The following SCOC variants were observed in gnomAD, a reference collection of about 807,000 sequenced individuals.
SCOC encodes the protein short coiled-coil protein, also known as short coiled coil protein.
A neutral mutation model predicts 9.9 loss-of-function variants in SCOC; 7 were observed. The observed-to-expected ratio is 0.71, with a 90% CI of 0.40 to 1.33. The LOEUF is 1.33. Among genes scored for constraint, SCOC ranks in the 40% most tolerant of loss-of-function variants. SCOC has a pLI of 0.01. For missense variants in SCOC, 66 were observed against 89.7 expected (o/e 0.74, Z 1.07); for synonymous variants, 19 against 28.2 (o/e 0.67, Z 1.03).
chr4:140,286,785 A>T (rs1438637057), intron 1 of SCOC, among the ~76,000 whole-genome samples: 1 of 152,190 alleles, frequency 6.6e-6, no homozygotes, highest in African/African-American at 2.4e-5. Flanking sequence ...CGACTGTGGG[A>T]GTCACGCAGC....
chr4:140,262,790 G>A (rs1730660484), intron 1 of SCOC, among the ~76,000 whole-genome samples: 1 of 151,788 alleles, frequency 6.6e-6, no homozygotes, highest in South Asian at 2.1e-4. Flanking sequence ...CGAAGGGGAA[G>A]CAAGAACCTC....
intron 1 of SCOC, among the ~76,000 whole-genome samples, chr4:140,318,217 A>G (rs1277738269): frequency 1.4e-5 from 2 of 139,402 alleles, no homozygotes; most frequent in Non-Finnish European, 3.0e-5. Context: ...ACCAAAGCCA[A>G]AATTGACAAA....
intron 2 of SCOC, among the ~76,000 whole-genome samples, chr4:140,351,565 G>A (rs1179788503): frequency 1.3e-5 from 2 of 152,066 alleles, no homozygotes; most frequent in Admixed American, 1.3e-4. Flanking sequence ...TTGTAAGGTT[G>A]TAATATGCTT....
At chr4:140,322,293 T>C (rs543946712) in intron 1 of SCOC, among the ~76,000 whole-genome samples, 3 of 152,276 alleles carry the variant, frequency 2.0e-5, no homozygotes, top group Non-Finnish European at 4.4e-5. Context: ...AAAGCCTATA[T>C]TGCCGTGAGA....
intron 1 of SCOC, among the ~76,000 whole-genome samples, chr4:140,285,726 G>T (rs1386233815): frequency 1.3e-5 from 2 of 152,154 alleles, no homozygotes; most frequent in African/African-American, 4.8e-5. Context: ...AATGAACCAA[G>T]ACATTGCTAA....
upstream of SCOC, chr4:140,373,473 T>C: frequency 6.4e-7 from 1 of 1,550,464 alleles, no homozygotes; most frequent in East Asian, 2.4e-5. Flanking sequence ...CAGTGTCCTT[T>C]TGTTATGGCA....
intron 1 of SCOC, among the ~76,000 whole-genome samples, chr4:140,319,406 C>T (rs1223377726): frequency 2.6e-5 from 4 of 152,042 alleles, no homozygotes; most frequent in African/African-American, 4.8e-5. Flanking sequence ...CCCAGAACTT[C>T]GTGGAGTTAT....
intron 1 of SCOC, chr4:140,291,526 G>A: frequency 2.2e-6 from 1 of 457,280 alleles, no homozygotes; most frequent in African/African-American, 2.0e-5. Flanking sequence ...CAGGTCTCCT[G>A]GGACTGTATT....
At chr4:140,296,839 T>C (rs1365445232) in intron 1 of SCOC, among the ~76,000 whole-genome samples, 2 of 152,184 alleles carry the variant, frequency 1.3e-5, no homozygotes, top group South Asian at 4.1e-4. Flanking sequence ...TTTTCTTCCA[T>C]CTTAACAGTA....
chr4:140,291,252 C>T (rs951355386), intron 1 of SCOC: 9 of 343,978 alleles, frequency 2.6e-5, no homozygotes, highest in Non-Finnish European at 4.1e-5. Flanking sequence ...CAAAAGAAGC[C>T]GGGAGGCCTG....
chr4:140,274,225 A>C (rs1730926079), intron 1 of SCOC, among the ~76,000 whole-genome samples: 1 of 152,264 alleles, frequency 6.6e-6, no homozygotes, highest in Admixed American at 6.5e-5. Context: ...TATATTTTGT[A>C]CAGGTAGAAT....
upstream of SCOC, among the ~76,000 whole-genome samples, chr4:140,370,646 T>C (rs912394025): frequency 6.6e-6 from 1 of 152,208 alleles, no homozygotes; most frequent in African/African-American, 2.4e-5. Flanking sequence ...AGTAATGAAC[T>C]GTTTGAATTC....
intron 1 of SCOC, among the ~76,000 whole-genome samples, chr4:140,320,944 TAA>T (rs1732483067): frequency 6.6e-6 from 1 of 152,098 alleles, no homozygotes; most frequent in Non-Finnish European, 1.5e-5. Flanking sequence ...CGTAAGAATA[TAA>T]GAGGTCGCCC....
rs1416747420 is a variant in SCOC at position 140,366,175 on chromosome 4, CTTTCTTTCTTT to C, written c.71-12942_71-12932del. ...CTTGCAATCTTGGGTGCCTCCTTTTCTTTCTTTCTTTTTTTTTTTTTTTTCCCAAATAGAAC... is the reference window on the plus strand; with the variant it reads ...CTTGCAATCTTGGGTGCCTCCTTTTCTTTTTTTTTTTTTCCCAAATAGAAC... On this transcript the variant is annotated intron_variant, in intron 2 of 4. Transcript: ENST00000338517. 16 of 453,634 alleles carry C rather than the reference CTTTCTTTCTTT, an allele frequency of 3.5e-5. No homozygotes were observed. In the East Asian group the frequency reaches 6.5e-4, roughly 18 times the overall value. The allele number at this position is 453,634 out of a possible 1,614,324, so 28.1% of individuals were successfully genotyped here. A position where few individuals can be genotyped will look rare whatever the true frequency, so the allele number is the denominator to read the frequency against.
chr4:140,356,813 C>T (rs1482758291), intron 2 of SCOC, among the ~76,000 whole-genome samples: 1 of 151,996 alleles, frequency 6.6e-6, no homozygotes, highest in African/African-American at 2.4e-5. Context: ...TATTTTGAGA[C>T]TATATAAATA....
At chr4:140,267,462 A>G (rs1198587187) in intron 1 of SCOC, among the ~76,000 whole-genome samples, 2 of 151,976 alleles carry the variant, frequency 1.3e-5, no homozygotes, top group Admixed American at 1.3e-4. Context: ...TTTTCCTGGG[A>G]TCTGTTTCTT....
chr4:140,263,649 G>A (rs576038334), intron 1 of SCOC, among the ~76,000 whole-genome samples: 23 of 152,172 alleles, frequency 1.5e-4, no homozygotes, highest in Non-Finnish European at 3.2e-4. Context: ...AGGCTCAAAT[G>A]GGATAATTGG....
chr4:140,299,601 G>C (rs919349867), intron 1 of SCOC, among the ~76,000 whole-genome samples: 8 of 152,220 alleles, frequency 5.3e-5, no homozygotes, highest in African/African-American at 1.9e-4. Flanking sequence ...CTTACTTTGA[G>C]CAGTACTGGA....
At position 140,278,942 on chromosome 4, in the gene SCOC, C is replaced by T. The variant is rs533922205; in HGVS notation, c.-19+21532C>T. Among the ~76,000 whole-genome samples the T allele has an allele frequency of 1.1e-4, 16 of 150,892 alleles. No homozygotes were observed. The South Asian group carries it at 3.2e-3, about 30-fold the overall frequency. On this transcript the variant is annotated intron_variant, in intron 1 of 4. Coordinates refer to the SCOC transcript ENST00000394205. ...CTCCCCTTTCCTCTCATTCTCCTTC[C>T]CCAGGGATGAAGTATTCTGAGGTGA... is the stretch of plus-strand genomic sequence containing the variant.
Sources: allele counts gnomAD v4.1 joint callset (sites outside exome capture counted in the v4.1 genomes callset), GRCh38; gene constraint gnomAD v4.1.1; transcripts MANE v1.5; gene names NCBI Gene and HGNC (gene_info 2026-07-23, HGNC 2026-07-21).